Variants in OR2L3 observed in about 807,000 individuals in gnomAD.
OR2L3 encodes the protein olfactory receptor family 2 subfamily L member 3.
For synonymous variants in OR2L3, 131 were observed against 139.1 expected (o/e 0.94, Z 0.41); for missense variants, 369 against 376.6 (o/e 0.98, Z 0.17).
intron 1 of OR2L3, among the ~76,000 whole-genome samples, chr1:248,053,068 C>T (rs1271387694): frequency 2.0e-5 from 3 of 152,008 alleles, no homozygotes; most frequent in African/African-American, 7.3e-5. Flanking sequence ...GTATTAAGCC[C>T]AGCATGCACT....
Position 248,061,488 on chromosome 1 carries a change from G to C in OR2L3, c.807G>C (p.Glu269Asp), listed in dbSNP as rs1400743333. Residue 269 changes from glutamate to aspartate, a missense_variant, in exon 2 of 2, where the codon GAG becomes GAC. Transcript: ENST00000359959. ...LRPRSLRSPT[E>D]DKVLAVFYTT... The stretch of plus-strand genomic sequence containing the variant: ...CAAGATCCCTGCGATCTCCAACAGA[G>C]GACAAGGTTCTGGCTGTCTTCTACA... 6.2e-7 allele frequency: 1 copy of C among 1,613,802 alleles called. No homozygotes were observed. The highest frequency in any genetic ancestry group is 1.3e-5 in the African/African-American group (1 of 74,846).
intron 1 of OR2L3, among the ~76,000 whole-genome samples, chr1:248,051,769 TTTTA>T (rs10689727): frequency 5.9e-5 from 9 of 151,382 alleles, no homozygotes; most frequent in East Asian, 3.9e-4. Flanking sequence ...TCTGCTTTTA[TTTTA>T]TTTATTTATT....
In OR2L3 at chr1:248,052,500, G is replaced by A. The variant is rs150989651; in HGVS notation, c.-22+5620G>A. Among the ~76,000 whole-genome samples, 13 of 152,194 alleles carry A rather than the reference G, an allele frequency of 8.5e-5. No homozygotes were observed. In the East Asian group the frequency reaches 1.9e-3, roughly 23 times the overall value. On this transcript the variant is annotated intron_variant, in intron 1 of 1. Transcript: ENST00000359959. ...TCCCAGCACTTTGGGAGGCCGAGCC[G>A]GGCAGATCACAAGGTAAGGAGGTTG...
rs1663645979 is a variant in OR2L3 at position 248,061,577 on chromosome 1, C to T, written c.896C>T (p.Ala299Val). The change falls in exon 2 of 2, where the codon GCC becomes GTC. Residue 299 changes from alanine to valine, a missense_variant. Transcript: ENST00000359959. Reference protein sequence around the residue: ...YSLRNKEVMGALTRVSQRICS... With the variant: ...YSLRNKEVMGVLTRVSQRICS... ...CTGAGGAACAAGGAGGTGATGGGGG[C>T]CCTGACACGAGTGAGTCAGAGAATC... 1 of 1,613,212 alleles carries T rather than the reference C, an allele frequency of 6.2e-7. No individual in the cohort carries two copies. Among genetic ancestry groups the T allele is most frequent in the African/African-American group, 1.3e-5 (1 of 74,854 alleles).
chr1:248,052,827 A>C (rs775677662), intron 1 of OR2L3, among the ~76,000 whole-genome samples: 2 of 152,118 alleles, frequency 1.3e-5, no homozygotes, highest in African/African-American at 4.8e-5. Context: ...TTTAAGATTC[A>C]TATAAATTTT....
rs763834579 is a variant in OR2L3 at position 248,061,671 on chromosome 1, G to C, written c.*51G>C. 4 of 1,444,682 alleles carry C rather than the reference G, an allele frequency of 2.8e-6. No homozygotes were observed. Among genetic ancestry groups the C allele is most frequent in the Non-Finnish European group, 3.7e-6 (4 of 1,068,076 alleles). The allele number at this position is 1,444,682 out of a possible 1,614,324, so 89.5% of individuals were successfully genotyped here. ...GACTCAGATACACATCCATCCAGCA[G>C]TGTATAGTAATTAAAATATTATTTC... On this transcript the variant is annotated 3_prime_UTR_variant, in exon 2 of 2. Coordinates refer to ENST00000359959, the MANE Select transcript of OR2L3 (RefSeq NM_001004687.2).
Position 248,061,022 on chromosome 1 carries a change from T to C in OR2L3, c.341T>C (p.Leu114Ser). 1 of 1,614,130 alleles carries C rather than the reference T, an allele frequency of 6.2e-7. No homozygotes were observed. Among genetic ancestry groups the C allele is most frequent in the Admixed American group, 1.7e-5 (1 of 60,018 alleles). The change falls in exon 2 of 2, where the codon TTG (leucine) becomes TCG (serine). Residue 114 changes from leucine (L) to serine (S), a missense_variant. Transcript: ENST00000359959. ...SALGGAEALL[L>S]ASMAYDRYIA... ...TTAGGAGGTGCAGAAGCACTACTTT[T>C]GGCATCTATGGCCTATGATCGTTAC...
rs1443437536 is a variant in OR2L3 at position 248,060,667 on chromosome 1, G to A, written c.-15G>A. ...CCCTTGTGTCTCCCTTCAGGAAAGA[G>A]CACACGAATGCCCCATGGAAAATTA... is the stretch of plus-strand genomic sequence containing the variant. On this transcript the variant is annotated 5_prime_UTR_variant, in exon 2 of 2. Coordinates refer to ENST00000359959, the MANE Select transcript of OR2L3 (RefSeq NM_001004687.2). The A allele has an allele frequency of 2.5e-6, 4 of 1,595,212 alleles. No individual in the cohort carries two copies. The highest frequency in any genetic ancestry group is 2.7e-5 in the African/African-American group (2 of 74,656).
chr1:248,051,988 G>A (rs2103112909), intron 1 of OR2L3, among the ~76,000 whole-genome samples: 1 of 152,108 alleles, frequency 6.6e-6, no homozygotes, highest in East Asian at 1.9e-4. Flanking sequence ...TGCAATTTTT[G>A]ACATTATGAT....
intron 1 of OR2L3, among the ~76,000 whole-genome samples, chr1:248,047,571 G>T (rs765502519): frequency 3.3e-4 from 50 of 152,072 alleles, no homozygotes; most frequent in Non-Finnish European, 6.6e-4. Flanking sequence ...GTTTTTACAC[G>T]CAACTTGATC....
intron 1 of OR2L3, among the ~76,000 whole-genome samples, chr1:248,058,896 A>G (rs1036214063): frequency 6.6e-6 from 1 of 151,942 alleles, no homozygotes; most frequent in Non-Finnish European, 1.5e-5. Context: ...ACCTTCTAAT[A>G]GATTTTTCTT....
chr1:248,058,837 T>C (rs969914261), intron 1 of OR2L3, among the ~76,000 whole-genome samples: 2 of 152,104 alleles, frequency 1.3e-5, no homozygotes, highest in African/African-American at 4.8e-5. Context: ...CCCTACTTTT[T>C]TTATCTTTCC....
chr1:248,058,344 A>T (rs1663507275), intron 1 of OR2L3, among the ~76,000 whole-genome samples: 2 of 152,136 alleles, frequency 1.3e-5, no homozygotes, highest in Non-Finnish European at 2.9e-5. Flanking sequence ...TTGATCCATG[A>T]TACAGACCCC....
chr1:248,061,377 G>A lies in OR2L3; in HGVS notation c.696G>A (p.Gly232=). 2 of 1,614,068 alleles carry A rather than the reference G, an allele frequency of 1.2e-6. No individual in the cohort carries two copies. Among genetic ancestry groups the A allele is most frequent in the Non-Finnish European group, 1.7e-6 (2 of 1,180,016 alleles). The stretch of plus-strand genomic sequence containing the variant: ...TCTACCACATGAAATCTGCAGAAGG[G>A]AGGAAGAAAGCCTACCTGACCTGCA... The part of the protein sequence containing the change: ...LAVYHMKSAE[G]RKKAYLTCST... Residue 232 remains glycine, a synonymous_variant, in exon 2 of 2, where the codon GGG becomes GGA. Transcript: ENST00000359959.
chr1:248,048,462 C>G (rs1439988365), intron 1 of OR2L3, among the ~76,000 whole-genome samples: 1 of 152,134 alleles, frequency 6.6e-6, no homozygotes, highest in Admixed American at 6.5e-5. Flanking sequence ...GATTCCATGC[C>G]AGGATGCTGT....
intron 1 of OR2L3, among the ~76,000 whole-genome samples, chr1:248,047,454 A>T (rs1308643906): frequency 2.0e-5 from 3 of 152,324 alleles, no homozygotes; most frequent in South Asian, 2.1e-4. Flanking sequence ...TAAAATCACC[A>T]GTCTTCAGTG....
chr1:248,056,836 C>T (rs1663450266), intron 1 of OR2L3, among the ~76,000 whole-genome samples: 1 of 151,832 alleles, frequency 6.6e-6, no homozygotes, highest in South Asian at 2.1e-4. Flanking sequence ...TTTTAGTAGA[C>T]ACAGGGTTTC....
chr1:248,060,996 A>G lies in OR2L3; in HGVS notation c.315A>G (p.Ala105=), dbSNP rs1190808170. Residue 105 remains alanine (A), a synonymous_variant, in exon 2 of 2, where the codon GCA becomes GCG. Coordinates refer to ENST00000359959, the MANE Select transcript of OR2L3 (RefSeq NM_001004687.2). The part of the protein sequence containing the change: ...GCGIQSFFFS[A]LGGAEALLLA... ...GGATTCAGAGTTTCTTCTTCTCGGC[A>G]TTAGGAGGTGCAGAAGCACTACTTT... 1.2e-6 allele frequency: 2 copies of G among 1,613,942 alleles called. No individual in the cohort carries two copies. Among genetic ancestry groups the G allele is most frequent in the African/African-American group, 1.3e-5 (1 of 74,880 alleles).
At chr1:248,049,671 C>T (rs1429367234) in intron 1 of OR2L3, among the ~76,000 whole-genome samples, 1 of 152,052 alleles carries the variant, frequency 6.6e-6, no homozygotes, top group Non-Finnish European at 1.5e-5. Context: ...TTAAAAAATC[C>T]TACTTGTTTT....
Sources: allele counts gnomAD v4.1 joint callset (sites outside exome capture counted in the v4.1 genomes callset), GRCh38; gene constraint gnomAD v4.1.1; transcripts MANE v1.5; gene names NCBI Gene and HGNC (gene_info 2026-07-23, HGNC 2026-07-21).